Variants in TACR1 observed in about 807,000 individuals in gnomAD.
TACR1 encodes the protein tachykinin receptor 1.
A neutral mutation model predicts 35.8 loss-of-function variants in TACR1; 25 were observed. The ratio of observed to expected loss-of-function variants is 0.70; its 90% CI spans 0.51 to 0.98. The LOEUF (loss-of-function observed/expected upper bound fraction) is 0.98, where lower values mean the gene tolerates loss of function less well. Ranked by LOEUF, TACR1 falls within the 50% of genes least tolerant of loss-of-function variation. TACR1 has a pLI of 0.00. For missense variants in TACR1, 478 were observed against 522.9 expected, an observed-to-expected ratio of 0.91 and a Z score of 0.84; for synonymous variants, 195 against 206.7, an observed-to-expected ratio of 0.94 and a Z score of 0.48.
At chr2:75,168,659 G>C (rs537009811) in intron 1 of TACR1, among the ~76,000 whole-genome samples, 1 of 152,174 alleles carries the variant, frequency 6.6e-6, no homozygotes, top group African/African-American at 2.4e-5. Flanking sequence ...AAGACAATAC[G>C]TTTGGGTTGT....
At chr2:75,145,961 C>G (rs184021605) in intron 1 of TACR1, among the ~76,000 whole-genome samples, 60 of 152,176 alleles carry the variant, frequency 3.9e-4, no homozygotes, top group Non-Finnish European at 1.2e-4. Context: ...ATAAGATCTC[C>G]CAGAACACTG....
chr2:75,165,988 C>G (rs1474809717), intron 1 of TACR1, among the ~76,000 whole-genome samples: 2 of 152,186 alleles, frequency 1.3e-5, no homozygotes, highest in Non-Finnish European at 2.9e-5. Context: ...ACACAAATAT[C>G]CTTTAAGTCC....
chr2:75,131,221 T>G (rs1572947634), intron 1 of TACR1, among the ~76,000 whole-genome samples: 1 of 152,108 alleles, frequency 6.6e-6, no homozygotes, highest in Non-Finnish European at 1.5e-5. Flanking sequence ...CTCGAGTAGC[T>G]GGGACTACAG....
Position 75,049,193 on chromosome 2 carries a change from T to C in TACR1, c.*239A>G, listed in dbSNP as rs895599162. ...GAAAAGCTGGTCCGACCTTTTATTT[T>C]ACAGGCTCAGCAAAGTTCAGTGATT... On this transcript the variant is annotated 3_prime_UTR_variant, in exon 5 of 5. Transcript: ENST00000305249. The C allele has an allele frequency of 7.9e-5, 40 of 507,088 alleles. No individual in the cohort carries two copies. The highest frequency in any genetic ancestry group is 1.0e-3 in the Middle Eastern group (2 of 1,966). 31.4% of individuals were successfully genotyped at this position (507,088 alleles called of 1,614,324 possible). A position where few individuals can be genotyped will look rare whatever the true frequency, so the allele number is the denominator to read the frequency against.
intron 4 of TACR1, 109 bp downstream of exon 4, chr2:75,051,142 G>A: frequency 7.1e-7 from 1 of 1,400,572 alleles, no homozygotes; most frequent in Non-Finnish European, 1.0e-6. Flanking sequence ...GTCCCCACTT[G>A]TCCCTCTTGT....
chr2:75,079,954 A>C (rs1317777235), intron 2 of TACR1, among the ~76,000 whole-genome samples: 1 of 152,204 alleles, frequency 6.6e-6, no homozygotes, highest in Non-Finnish European at 1.5e-5. Context: ...AGGTTGCTGC[A>C]TCACAAGGTA....
intron 2 of TACR1, among the ~76,000 whole-genome samples, chr2:75,080,801 T>A (rs983701563): frequency 2.6e-5 from 4 of 152,200 alleles, no homozygotes; most frequent in Non-Finnish European, 5.9e-5. Context: ...CACCCAAATA[T>A]TATTGTTGTT....
At chr2:75,191,751 C>A (rs757787357) in intron 1 of TACR1, among the ~76,000 whole-genome samples, 1 of 152,150 alleles carries the variant, frequency 6.6e-6, no homozygotes, top group Non-Finnish European at 1.5e-5. Flanking sequence ...GTGTGCTATA[C>A]GGTCTGCTTG....
rs777618750 is a variant in TACR1, at chr2:75,142,195, T to G, written c.390-21427A>C. ...CCTCTGCTTCCACCTTCTGGCTAGC[T>G]CGCCACTAAGTCCATTTAAGGTGTC... On this transcript the variant is annotated intron_variant, in intron 1 of 4. Transcript: ENST00000305249. Among the ~76,000 whole-genome samples the G allele has an allele frequency of 1.8e-4, 27 of 152,300 alleles. No homozygotes were observed. In the South Asian group the frequency reaches 4.1e-3, roughly 23 times the overall value.
chr2:75,159,363 C>A (rs1425185910), intron 1 of TACR1, among the ~76,000 whole-genome samples: 1 of 152,094 alleles, frequency 6.6e-6, no homozygotes, highest in African/African-American at 2.4e-5. Context: ...ATTGTATTAT[C>A]TTTTTATTTA....
intron 2 of TACR1, among the ~76,000 whole-genome samples, chr2:75,111,962 A>C (rs1673759234): frequency 6.6e-6 from 1 of 152,010 alleles, no homozygotes; most frequent in South Asian, 2.1e-4. Context: ...TTTAAAAAGG[A>C]AACCCTCTCA....
intron 1 of TACR1, chr2:75,154,508 A>G (rs1674788272): frequency 3.5e-5 from 5 of 142,262 alleles, no homozygotes; most frequent in African/African-American, 5.3e-5. Flanking sequence ...ACACACACAC[A>G]CACACACACA....
At chr2:75,141,090 G>A (rs1674392603) in intron 1 of TACR1, among the ~76,000 whole-genome samples, 1 of 152,094 alleles carries the variant, frequency 6.6e-6, no homozygotes, top group Non-Finnish European at 1.5e-5. Flanking sequence ...ACCTCAGGAA[G>A]GTCTCATTGG....
chr2:75,177,298 G>C (rs529334156), intron 1 of TACR1, among the ~76,000 whole-genome samples: 1 of 152,160 alleles, frequency 6.6e-6, no homozygotes, highest in South Asian at 2.1e-4. Context: ...CCCCACCACT[G>C]TTCCTGTCTT....
intron 2 of TACR1, among the ~76,000 whole-genome samples, chr2:75,098,670 C>T (rs1303082023): frequency 6.6e-6 from 1 of 152,160 alleles, no homozygotes; most frequent in African/African-American, 2.4e-5. Context: ...CTCACCACCA[C>T]ATCCAGCTTG....
intron 1 of TACR1, chr2:75,188,568 G>C (rs182954523): frequency 6.6e-6 from 1 of 152,328 alleles, no homozygotes; most frequent in African/African-American, 2.4e-5. Context: ...TATCATTACA[G>C]ATTATTTTTT....
chr2:75,094,858 TA>T (rs146649063), intron 2 of TACR1, among the ~76,000 whole-genome samples: 3,802 of 85,762 alleles, frequency 0.044, 71 homozygotes, highest in Non-Finnish European at 0.065. Context: ...TATATATATA[TA>T]TTTTTTTTTT....
intron 3 of TACR1, 91 bp from the exon 4 acceptor site, chr2:75,051,538 G>A: frequency 6.4e-7 from 1 of 1,560,382 alleles, no homozygotes; most frequent in Non-Finnish European, 8.7e-7. Context: ...ACTGTGCACA[G>A]TATGGGATGA....
chr2:75,117,720 C>T (rs1054701385), intron 2 of TACR1, among the ~76,000 whole-genome samples: 2 of 152,200 alleles, frequency 1.3e-5, no homozygotes, highest in African/African-American at 4.8e-5. Flanking sequence ...CCTGGTTTAC[C>T]TTACATGTGC....
Sources: allele counts gnomAD v4.1 joint callset (sites outside exome capture counted in the v4.1 genomes callset), GRCh38; gene constraint gnomAD v4.1.1; transcripts MANE v1.5; gene names NCBI Gene and HGNC (gene_info 2026-07-23, HGNC 2026-07-21).